Variants in CEP128 observed in about 807,000 individuals in gnomAD.
CEP128 encodes centrosomal protein 128kDa.
Under a neutral mutation model 156.7 loss-of-function variants are expected in CEP128, and 132 were observed. The ratio of observed to expected loss-of-function variants is 0.84; its 90% CI spans 0.73 to 0.97. The LOEUF (loss-of-function observed/expected upper bound fraction) is 0.97. Ranked by LOEUF, CEP128 falls within the 50% of genes least tolerant of loss-of-function variation. The pLI, the probability that CEP128 is intolerant of heterozygous loss-of-function variation, is 0.00. For synonymous variants in CEP128, 469 were observed against 448.9 expected (o/e 1.04, Z -0.57); for missense variants, 1,252 against 1,281.9 (o/e 0.98, Z 0.36).
intron 6 of CEP128, among the ~76,000 whole-genome samples, chr14:80,903,546 T>C (rs1883701175): frequency 6.6e-6 from 1 of 151,176 alleles, no homozygotes; most frequent in Admixed American, 6.6e-5. Flanking sequence ...AAGAAACAAT[T>C]AATAAAGTGA....
At chr14:80,929,163 A>G (rs955190634) in intron 2 of CEP128, among the ~76,000 whole-genome samples, 3 of 152,256 alleles carry the variant, frequency 2.0e-5, no homozygotes, top group Non-Finnish European at 4.4e-5. Context: ...TGAAAGCCAC[A>G]ATAAGATACC....
At chr14:80,915,306 G>C (rs1309792130) in intron 3 of CEP128, among the ~76,000 whole-genome samples, 1 of 152,130 alleles carries the variant, frequency 6.6e-6, no homozygotes, top group African/African-American at 2.4e-5. Context: ...ACAGGCATGA[G>C]CCACCATGCC....
intron 2 of CEP128, among the ~76,000 whole-genome samples, chr14:80,923,372 A>C (rs1884980963): frequency 6.6e-6 from 1 of 152,230 alleles, no homozygotes; most frequent in Non-Finnish European, 1.5e-5. Context: ...TTACAAACTC[A>C]AGTCCACCTC....
At chr14:80,920,385 G>A (rs1018052885) in intron 2 of CEP128, among the ~76,000 whole-genome samples, 3 of 152,306 alleles carry the variant, frequency 2.0e-5, no homozygotes, top group African/African-American at 7.2e-5. Flanking sequence ...ACAGTAGAAT[G>A]CATGGAGGGC....
chr14:80,947,857 C>A (rs1037080876), intron 2 of CEP128, among the ~76,000 whole-genome samples: 1 of 152,180 alleles, frequency 6.6e-6, no homozygotes, highest in South Asian at 2.1e-4. Flanking sequence ...ATAGCTTGAA[C>A]CTACCTGTTC....
intron 14 of CEP128, among the ~76,000 whole-genome samples, chr14:80,789,510 T>C (rs1901592913): frequency 1.3e-5 from 2 of 152,186 alleles, no homozygotes; most frequent in South Asian, 4.1e-4. Flanking sequence ...TTGAAGTTAC[T>C]AAGGATGACG....
chr14:80,873,424 T>C (rs1039320714), intron 8 of CEP128, among the ~76,000 whole-genome samples: 4 of 152,218 alleles, frequency 2.6e-5, no homozygotes, highest in African/African-American at 7.2e-5. Flanking sequence ...GTGAAAGAAA[T>C]CCAAATAAAA....
intron 14 of CEP128, among the ~76,000 whole-genome samples, chr14:80,787,606 C>T (rs1410098030): frequency 6.6e-6 from 1 of 152,024 alleles, no homozygotes; most frequent in African/African-American, 2.4e-5. Context: ...ACTTACCAAA[C>T]TGGAGAACAC....
rs376773497 is a variant in CEP128, at chr14:80,771,915, T to C, written c.2376+5967A>G. The stretch of plus-strand genomic sequence containing the variant: ...TCTACCCAAGGATAGCTGGGAGCTC[T>C]TAGGTAAGTCAGTTAACTCTTTGGG... On this transcript the variant is annotated intron_variant, in intron 16 of 24. Coordinates refer to ENST00000555265, the MANE Select transcript of CEP128 (RefSeq NM_152446.5). Among the ~76,000 whole-genome samples, 88 of 152,322 alleles carry C rather than the reference T, an allele frequency of 5.8e-4. 3 individuals are homozygous for C. The South Asian group carries it at 0.017, about 30-fold the overall frequency.
intron 13 of CEP128, among the ~76,000 whole-genome samples, chr14:80,828,716 A>G (rs1323681493): frequency 6.6e-6 from 1 of 152,180 alleles, no homozygotes; most frequent in Non-Finnish European, 1.5e-5. Context: ...TGACAAGACC[A>G]CATATGAGGT....
At chr14:80,816,847 A>T (rs1163719919) in intron 13 of CEP128, among the ~76,000 whole-genome samples, 2 of 152,178 alleles carry the variant, frequency 1.3e-5, no homozygotes, top group Admixed American at 6.6e-5. Flanking sequence ...GACGGCTAAG[A>T]GCCCTCTTGG....
downstream of CEP128, among the ~76,000 whole-genome samples, chr14:80,495,900 T>C (rs1887477485): frequency 6.6e-6 from 1 of 152,220 alleles, no homozygotes; most frequent in Non-Finnish European, 1.5e-5. Context: ...TCAATGGAAA[T>C]ACATTCTCAA....
chr14:80,919,314 T>C (rs931492518), intron 2 of CEP128, among the ~76,000 whole-genome samples: 3 of 152,164 alleles, frequency 2.0e-5, no homozygotes, highest in African/African-American at 7.2e-5. Flanking sequence ...AACTGAAATT[T>C]GGGGATGATA....
chr14:80,724,585 G>C (rs941008861), intron 19 of CEP128, among the ~76,000 whole-genome samples: 2 of 151,930 alleles, frequency 1.3e-5, no homozygotes, highest in African/African-American at 4.8e-5. Context: ...CCTCTGAAAA[G>C]CTTTTAGATT....
At chr14:80,873,653 T>A (rs1460540265) in intron 8 of CEP128, among the ~76,000 whole-genome samples, 1 of 152,116 alleles carries the variant, frequency 6.6e-6, no homozygotes, top group Non-Finnish European at 1.5e-5. Context: ...TGAATTTAGA[T>A]CAAATCCTGT....
intron 9 of CEP128, among the ~76,000 whole-genome samples, chr14:80,852,909 A>G (rs1208237549): frequency 6.6e-6 from 1 of 151,986 alleles, no homozygotes; most frequent in Non-Finnish European, 1.5e-5. Context: ...TAAGAAAAAA[A>G]TAGCAAGTTA....
chr14:80,527,635 G>C (rs1889038742), intron 22 of CEP128, among the ~76,000 whole-genome samples: 1 of 152,070 alleles, frequency 6.6e-6, no homozygotes, highest in Non-Finnish European at 1.5e-5. Context: ...TGCCACATTT[G>C]GATGCTGTGT....
chr14:80,914,323 T>C lies in CEP128; in HGVS notation c.233A>G (p.His78Arg). 16 of 1,611,296 alleles carry C rather than the reference T, an allele frequency of 9.9e-6. No individual in the cohort carries two copies. Among genetic ancestry groups the C allele is most frequent in the Non-Finnish European group, 1.4e-5 (16 of 1,177,706 alleles). ...YSNGQAGAIE[H>R]LKESLEQSID... ...ATGCAAACAAATGTAGTTTCTCACA[T>C]GTTCTATCGCACCCGCCTGTCCATT... The change falls in exon 4 of 25, where the codon CAT (histidine) becomes CGT (arginine). Residue 78 changes from histidine (H) to arginine (R), a missense_variant and splice_region_variant. By Grantham distance (29) the His-to-Arg change is conservative. Coordinates refer to ENST00000555265, the MANE Select transcript of CEP128 (RefSeq NM_152446.5).
In CEP128 at chr14:80,953,670, T is replaced by C. The variant is rs575519062; in HGVS notation, c.-172+4508A>G. The stretch of plus-strand genomic sequence containing the variant: ...TCAAGGTGGGTTTAACATTCGAAAA[T>C]CGATCACTATGATTCACCACATTAA... On this transcript the variant is annotated intron_variant, in intron 2 of 7. Coordinates refer to the CEP128 transcript ENST00000555529. 3.9e-5 allele frequency among the ~76,000 whole-genome samples: 6 copies of C among 152,254 alleles called. 1 individual carries two copies. The highest frequency in any genetic ancestry group is 3.9e-4 in the Admixed American group (6 of 15,304).
Sources: gnomAD v4.1 joint callset for allele counts (sites outside exome capture counted in the v4.1 genomes callset) on GRCh38, gnomAD v4.1.1 for gene constraint, MANE v1.5 for transcripts, NCBI Gene and HGNC (gene_info 2026-07-23, HGNC 2026-07-21) for gene names.